Variants in FOXP2 observed in about 807,000 individuals in gnomAD.
FOXP2 encodes forkhead box P2, also known as forkhead box protein P2.
Under a neutral mutation model 115.8 loss-of-function variants are expected in FOXP2, and 12 were observed. That is an observed-to-expected ratio of 0.10 (90% CI 0.07 to 0.17). FOXP2 has a LOEUF of 0.17. FOXP2 is among the 10% of genes least tolerant of loss of function. FOXP2 has a pLI of 1.00. For synonymous variants in FOXP2, 328 were observed against 297.7 expected, an observed-to-expected ratio of 1.10 and a Z score of -1.05; for missense variants, 629 against 843.5, an observed-to-expected ratio of 0.75 and a Z score of 3.15.
At chr7:114,668,842 T>C (rs575750617) in intron 16 of FOXP2, 1 of 152,094 alleles carries the variant, frequency 6.6e-6, no homozygotes, top group African/African-American at 2.4e-5. Flanking sequence ...TTATGAAGAA[T>C]CAAATTGGAG....
At chr7:114,298,958 C>G (rs1796814998) in intron 2 of FOXP2, among the ~76,000 whole-genome samples, 1 of 152,002 alleles carries the variant, frequency 6.6e-6, no homozygotes, top group African/African-American at 2.4e-5. Context: ...ACCATACGTA[C>G]AAAATTAGAA....
intron 1 of FOXP2, among the ~76,000 whole-genome samples, chr7:114,234,402 A>G (rs1794959434): frequency 6.6e-6 from 1 of 152,184 alleles, no homozygotes; most frequent in South Asian, 2.1e-4. Context: ...TGGTATTTTT[A>G]ACTAGGAAAA....
intron 1 of FOXP2, among the ~76,000 whole-genome samples, chr7:114,115,580 G>T (rs1453366337): frequency 6.6e-6 from 1 of 151,958 alleles, no homozygotes. Context: ...TCTTTGCCAG[G>T]AATATTGGCT....
At chr7:114,685,805 A>C (rs975978206) in intron 16 of FOXP2, among the ~76,000 whole-genome samples, 3 of 152,188 alleles carry the variant, frequency 2.0e-5, no homozygotes, top group Non-Finnish European at 4.4e-5. Flanking sequence ...TAACAGTTAC[A>C]ATGTTCTGGA....
At chr7:114,502,617 T>C (rs764393501) in intron 2 of FOXP2, among the ~76,000 whole-genome samples, 2 of 152,038 alleles carry the variant, frequency 1.3e-5, no homozygotes, top group Admixed American at 6.6e-5. Context: ...ATCTGGTATT[T>C]GAGTTGAAAT....
intron 2 of FOXP2, among the ~76,000 whole-genome samples, chr7:114,495,473 T>TTCTCTC (rs1422807493): frequency 9.2e-6 from 1 of 108,812 alleles, no homozygotes; most frequent in Non-Finnish European, 1.9e-5. Flanking sequence ...TGTTTTTTCT[T>TTCTCTC]TCTCTCTCTC....
At chr7:114,482,140 T>G (rs1027996026) in intron 2 of FOXP2, among the ~76,000 whole-genome samples, 2 of 151,408 alleles carry the variant, frequency 1.3e-5, no homozygotes, top group East Asian at 3.9e-4. Flanking sequence ...TGTCTTGTAT[T>G]TCCTACTTGT....
At chr7:114,587,887 C>T (rs1802226287) in intron 3 of FOXP2, among the ~76,000 whole-genome samples, 1 of 65,552 alleles carries the variant, frequency 1.5e-5, no homozygotes, top group African/African-American at 5.1e-5. Context: ...TTAAATCCAC[C>T]TTTCTTAGTG....
In FOXP2 at chr7:114,322,988, C is replaced by A. The variant is rs553739449; in HGVS notation, c.-11+34879C>A. Among the ~76,000 whole-genome samples, 7 of 152,224 alleles carry A rather than the reference C, an allele frequency of 4.6e-5. No individual in the cohort carries two copies. In the South Asian group the frequency reaches 1.5e-3, roughly 32 times the overall value. On this transcript the variant is annotated intron_variant, in intron 2 of 17. Transcript: ENST00000634411. ...TTGTGTGTATTGAAAGGCATGAGTT[C>A]TTTGGCAGATTTATACCTAACTCAT...
At chr7:114,454,930 T>G in intron 2 of FOXP2, among the ~76,000 whole-genome samples, 4 of 137,936 alleles carry the variant, frequency 2.9e-5, no homozygotes, top group Non-Finnish European at 3.1e-5. Flanking sequence ...GATGACGAGT[T>G]AGTGGGTGCA....
chr7:114,278,366 T>C (rs968238185), intron 1 of FOXP2, among the ~76,000 whole-genome samples: 2 of 152,102 alleles, frequency 1.3e-5, no homozygotes, highest in Non-Finnish European at 2.9e-5. Context: ...TTTTACTTTT[T>C]TTTTTTTGAG....
intron 2 of FOXP2, among the ~76,000 whole-genome samples, chr7:114,330,567 C>T (rs1362053679): frequency 6.6e-6 from 1 of 150,516 alleles, no homozygotes; most frequent in South Asian, 2.1e-4. Flanking sequence ...GAATATGCAT[C>T]TATTTGTATG....
intron 8 of FOXP2, among the ~76,000 whole-genome samples, chr7:114,646,060 TAAAAAAAA>T (rs57137258): frequency 4.0e-4 from 34 of 85,662 alleles, no homozygotes; most frequent in Non-Finnish European, 5.9e-4. Context: ...TTTTCTTCTC[TAAAAAAAA>T]AAAAAAAAAA....
At chr7:114,683,472 C>T (rs1454778696) in intron 16 of FOXP2, among the ~76,000 whole-genome samples, 1 of 152,194 alleles carries the variant, frequency 6.6e-6, no homozygotes, top group African/African-American at 2.4e-5. Context: ...CTTTACTCAT[C>T]TGTAAAATGG....
intron 2 of FOXP2, among the ~76,000 whole-genome samples, chr7:114,467,248 T>C (rs1443558316): frequency 6.6e-6 from 1 of 152,214 alleles, no homozygotes; most frequent in East Asian, 1.9e-4. Context: ...GTGGTGGTGG[T>C]CTGCTTTGGG....
At chr7:114,224,017 T>C (rs1384353278) in intron 1 of FOXP2, among the ~76,000 whole-genome samples, 1 of 152,094 alleles carries the variant, frequency 6.6e-6, no homozygotes, top group African/African-American at 2.4e-5. Context: ...TTTTTGTGGA[T>C]AGTGTAATCA....
intron 1 of FOXP2, among the ~76,000 whole-genome samples, chr7:114,252,795 A>C (rs982198778): frequency 2.0e-5 from 3 of 151,924 alleles, no homozygotes; most frequent in African/African-American, 7.3e-5. Context: ...TATCTCCTTC[A>C]GTTCTGCTCT....
At position 114,629,960 on chromosome 7, in the gene FOXP2, A is replaced by ACAG. The variant is rs768441245; in HGVS notation, c.567_569dup (p.Gln191dup). 30 of 1,609,246 alleles carry ACAG rather than the reference A, an allele frequency of 1.9e-5. No individual in the cohort carries two copies. Among genetic ancestry groups the ACAG allele is most frequent in the South Asian group, 7.7e-5 (7 of 90,876 alleles). ...AGCAACAACAGCAGCAGCAGCAGCA[A>ACAG]CAGCAGCAGCAGCAGCAACAGCATC... On this transcript the variant is annotated inframe_insertion, in exon 5 of 17. Coordinates refer to ENST00000350908, the MANE Select transcript of FOXP2 (RefSeq NM_014491.4).
At position 114,570,677 on chromosome 7, in the gene FOXP2, T is replaced by G. The variant is rs540166855; in HGVS notation, c.258+35971T>G. 110 of 716,944 alleles carry G rather than the reference T, an allele frequency of 1.5e-4. 1 individual carries two copies. In the Middle Eastern group the frequency reaches 1.8e-3, roughly 12 times the overall value. 44.4% of individuals were successfully genotyped at this position (716,944 alleles called of 1,614,324 possible). On this transcript the variant is annotated intron_variant, in intron 3 of 16. Coordinates refer to ENST00000350908, the MANE Select transcript of FOXP2 (RefSeq NM_014491.4). ...TTAACTGTGAGACAATGATGGAATA[T>G]TCTTCCCTATTTTGACCTACCAAGA...
Sources: gnomAD v4.1 joint callset for allele counts (sites outside exome capture counted in the v4.1 genomes callset) on GRCh38, gnomAD v4.1.1 for gene constraint, MANE v1.5 for transcripts, NCBI Gene and HGNC (gene_info 2026-07-23, HGNC 2026-07-21) for gene names.